MYO9B: variants seen among roughly 807,000 people sequenced by gnomAD.
The protein encoded by MYO9B is myosin IXB, also known as unconventional myosin-IXb.
In MYO9B, 71 loss-of-function variants were observed where a neutral mutation model predicts 229.5. The observed-to-expected ratio is 0.31, with a 90% CI of 0.26 to 0.38. The LOEUF (loss-of-function observed/expected upper bound fraction) is 0.38. MYO9B is among the 10% of genes least tolerant of loss of function. MYO9B has a pLI of 1.00. For missense variants in MYO9B, 2,255 were observed against 2,920.5 expected, an observed-to-expected ratio of 0.77 and a Z score of 5.25; for synonymous variants, 1,185 against 1,235.8, an observed-to-expected ratio of 0.96 and a Z score of 0.86.
At chr19:17,206,226 A>ACAC in intron 32 of MYO9B, 22 bp from the exon 33 acceptor site, 1 of 654,252 alleles carries the variant, frequency 1.5e-6, no homozygotes, top group South Asian at 1.5e-5. Flanking sequence ...CGCTCACCAG[A>ACAC]CCCACCCCAC....
chr19:17,084,721 A>G (rs576222044), intron 1 of MYO9B, among the ~76,000 whole-genome samples: 6 of 151,722 alleles, frequency 4.0e-5, no homozygotes, highest in East Asian at 1.9e-4. Context: ...AAAAAAAAAA[A>G]AAAGAAAAAA....
In MYO9B at chr19:17,101,929, C is replaced by T. The variant is rs749938683; in HGVS notation, c.212C>T (p.Ser71Leu). 3.8e-5 allele frequency: 61 copies of T among 1,613,436 alleles called. No individual in the cohort carries two copies. Among genetic ancestry groups the T allele is most frequent in the Non-Finnish European group, 4.6e-5 (54 of 1,179,822 alleles). ...TATGTGCTGGTGGAGGTCAAAGAGTCGGGAGGCGAGGAATGGGTGCTGGAC... is the reference window on the plus strand; with the variant it reads ...TATGTGCTGGTGGAGGTCAAAGAGTTGGGAGGCGAGGAATGGGTGCTGGAC... ...KCYVLVEVKESGGEEWVLDAN... is the reference protein window; with the variant it reads ...KCYVLVEVKELGGEEWVLDAN... The change falls in exon 2 of 40, where the codon TCG (serine) becomes TTG (leucine). Residue 71 changes from serine to leucine, a missense_variant. This residue lies in a region of MYO9B where 386 missense variants were observed against 515.2 expected (regional missense o/e 0.75). Coordinates refer to ENST00000682292, the MANE Select transcript of MYO9B (RefSeq NM_004145.4). This position sits in a 1 kb window ranked among gnomAD's most constrained non-coding sequence, Gnocchi z 4.7.
chr19:17,086,164 G>A (rs1294485121), intron 1 of MYO9B, among the ~76,000 whole-genome samples: 5 of 152,084 alleles, frequency 3.3e-5, no homozygotes, highest in South Asian at 2.1e-4. Flanking sequence ...CAAACCACAC[G>A]GGGCTCCCCT....
intron 38 of MYO9B, among the ~76,000 whole-genome samples, chr19:17,211,216 A>C (rs2073225188): frequency 6.6e-6 from 1 of 151,908 alleles, no homozygotes; most frequent in Non-Finnish European, 1.5e-5. Context: ...CCTGACCTCA[A>C]GTGATCCACC....
At chr19:17,178,645 A>G (rs984785157) in intron 14 of MYO9B, among the ~76,000 whole-genome samples, 1 of 152,048 alleles carries the variant, frequency 6.6e-6, no homozygotes, top group Non-Finnish European at 1.5e-5. Context: ...CAAAGTTTGC[A>G]CCTCCGCGTG....
At position 17,187,330 on chromosome 19, in the gene MYO9B, C is replaced by T. The variant is rs1599405939; in HGVS notation, c.2578-605C>T. ...TCCGCCCCATCACCTGTGTGTGACT[C>T]CTGACCCCAGACCAAGCTCTCCTCT... is the stretch of plus-strand genomic sequence containing the variant. On this transcript the variant is annotated intron_variant, in intron 18 of 39. Transcript: ENST00000682292. Among the ~76,000 whole-genome samples the T allele has an allele frequency of 8.5e-5, 13 of 152,312 alleles. No homozygotes were observed. The South Asian group carries it at 2.7e-3, about 32-fold the overall frequency.
At position 17,101,567 on chromosome 19, in the gene MYO9B, G is replaced by T. The variant is rs748645676; in HGVS notation, c.-58-93G>T. ...GTCGGGTGGGGAACTCCAGCATCGG[G>T]TCAGGTGCTATCTGCCCAGGAGTGG... On this transcript the variant is annotated intron_variant, in intron 1 of 39. Transcript: ENST00000682292. The surrounding 1 kb of genome is among the most constrained non-coding windows in gnomAD (Gnocchi z 4.7). The T allele has an allele frequency of 2.4e-6, 3 of 1,261,380 alleles. No homozygotes were observed. The East Asian group carries it at 7.7e-5, about 32-fold the overall frequency. 78.1% of individuals were successfully genotyped at this position (1,261,380 alleles called of 1,614,324 possible).
At chr19:17,082,259 A>T (rs1291190305) in intron 1 of MYO9B, among the ~76,000 whole-genome samples, 3 of 152,124 alleles carry the variant, frequency 2.0e-5, no homozygotes, top group South Asian at 4.1e-4. Flanking sequence ...GGGGTCTGTG[A>T]AGGTGCCGGC....
chr19:17,168,138 C>T, intron 11 of MYO9B, 74 bp downstream of exon 11: 1 of 1,558,134 alleles, frequency 6.4e-7, no homozygotes, highest in Non-Finnish European at 8.7e-7. Flanking sequence ...GCCCCCAGAG[C>T]CTTACCCCAA....
intron 22 of MYO9B, 137 bp from the exon 23 acceptor site, chr19:17,197,654 CA>C: frequency 1.0e-6 from 1 of 969,322 alleles, no homozygotes; most frequent in Non-Finnish European, 1.6e-6. Context: ...TGGTGACAAC[CA>C]AAACTGTCTC....
chr19:17,080,135 A>G (rs2057521664), intron 1 of MYO9B, among the ~76,000 whole-genome samples: 1 of 152,150 alleles, frequency 6.6e-6, no homozygotes. Flanking sequence ...GATGAATAAG[A>G]TATCCTTGTC....
intron 13 of MYO9B, among the ~76,000 whole-genome samples, chr19:17,174,325 C>G (rs2072759310): frequency 6.6e-6 from 1 of 152,086 alleles, no homozygotes; most frequent in Admixed American, 6.5e-5. Flanking sequence ...GCCACCACGC[C>G]TGGCCAATGA....
intron 2 of MYO9B, among the ~76,000 whole-genome samples, chr19:17,127,464 C>T (rs2072137177): frequency 6.6e-6 from 1 of 151,742 alleles, no homozygotes; most frequent in Non-Finnish European, 1.5e-5. Context: ...GTAGCTAGGA[C>T]TACAGGTGCC....
chr19:17,127,570 C>T (rs1255556760), intron 2 of MYO9B, among the ~76,000 whole-genome samples: 1 of 152,170 alleles, frequency 6.6e-6, no homozygotes, highest in Non-Finnish European at 1.5e-5. Flanking sequence ...CTCAAGTGAT[C>T]CGCCCTCCTT....
Position 17,201,801 on chromosome 19 carries a change from T to C in MYO9B, c.4564-125T>C, listed in dbSNP as rs145875087. Reference sequence around the variant, plus strand: ...AGAGACCAGGCTTGGCCAGAGGGACTGGATTTTATCCCGAGAGCCTAGGGG... The same window carrying C: ...AGAGACCAGGCTTGGCCAGAGGGACCGGATTTTATCCCGAGAGCCTAGGGG... On this transcript the variant is annotated intron_variant, in intron 26 of 39. Transcript: ENST00000682292. 171 of 698,548 alleles carry C rather than the reference T, an allele frequency of 2.4e-4. 1 individual carries two copies. In the African/African-American group the frequency reaches 2.8e-3, roughly 12 times the overall value. The allele number at this position is 698,548 out of a possible 1,614,324, so 43.3% of individuals were successfully genotyped here.
Position 17,206,163 on chromosome 19 carries a change from T to G in MYO9B, c.5257+11T>G. On this transcript the variant is annotated intron_variant, in intron 32 of 39. Transcript: ENST00000682292. ...AGGCGCTGCAGACAGGTGGGCGCTG[T>G]GGGCAGGTGGGTGCAGTGCCAGGCC... 1 of 1,608,552 alleles carries G rather than the reference T, an allele frequency of 6.2e-7. No individual in the cohort carries two copies. The highest frequency in any genetic ancestry group is 8.5e-7 in the Non-Finnish European group (1 of 1,177,956).
At chr19:17,153,716 G>T (rs1194812040) in intron 4 of MYO9B, among the ~76,000 whole-genome samples, 2 of 150,030 alleles carry the variant, frequency 1.3e-5, no homozygotes, top group Middle Eastern at 3.5e-3. Flanking sequence ...AAAAAGAAAA[G>T]AAAGAAACAT....
chr19:17,165,842 A>C (rs1365741488), intron 10 of MYO9B, among the ~76,000 whole-genome samples: 1 of 152,158 alleles, frequency 6.6e-6, no homozygotes, highest in Non-Finnish European at 1.5e-5. Flanking sequence ...GGGCCAGCAA[A>C]CCACAGCCTG....
At chr19:17,191,039 C>G in intron 19 of MYO9B, 58 bp from the exon 20 acceptor site, 1 of 1,551,408 alleles carries the variant, frequency 6.4e-7, no homozygotes, top group South Asian at 1.2e-5. Context: ...ATCTCTGTCT[C>G]CTCATCGCTG....
Sources: allele counts gnomAD v4.1 joint callset (sites outside exome capture counted in the v4.1 genomes callset), GRCh38; gene constraint gnomAD v4.1.1; regional missense constraint gnomAD v4.1.1; non-coding constraint Gnocchi (gnomAD v3.1); transcripts MANE v1.5; gene names NCBI Gene and HGNC (gene_info 2026-07-23, HGNC 2026-07-21).